Variants in SGCZ observed in about 807,000 individuals in gnomAD.
The protein encoded by SGCZ is sarcoglycan zeta.
Under a neutral mutation model 41.3 loss-of-function variants are expected in SGCZ, and 40 were observed. That is an observed-to-expected ratio of 0.97 (90% CI 0.75 to 1.26). The LOEUF is 1.26. SGCZ is among the 50% of genes most tolerant of loss of function. The probability of loss-of-function intolerance (pLI) is 0.00; values close to 1 mark genes in which losing one functional copy is unlikely to be tolerated. For missense variants in SGCZ, 552 were observed against 369.8 expected (o/e 1.49, Z -4.04); for synonymous variants, 206 against 137.5 (o/e 1.50, Z -3.49).
At chr8:14,268,361 A>ATT (rs1370203782) in intron 3 of SGCZ, among the ~76,000 whole-genome samples, 1 of 150,762 alleles carries the variant, frequency 6.6e-6, no homozygotes, top group Non-Finnish European at 1.5e-5. Flanking sequence ...ATATGTGTAT[A>ATT]TATATATATT....
intron 1 of SGCZ, among the ~76,000 whole-genome samples, chr8:14,851,701 A>G (rs1417605787): frequency 6.6e-6 from 1 of 152,154 alleles, no homozygotes; most frequent in Non-Finnish European, 1.5e-5. Flanking sequence ...TTTATAGAAC[A>G]TGATTTTCCA....
intron 1 of SGCZ, among the ~76,000 whole-genome samples, chr8:15,208,278 T>C (rs1275419706): frequency 6.6e-6 from 1 of 152,152 alleles, no homozygotes; most frequent in African/African-American, 2.4e-5. Flanking sequence ...ATTCCCAATA[T>C]AGGTATGGCA....
chr8:14,479,873 G>A (rs943662780), intron 2 of SGCZ, among the ~76,000 whole-genome samples: 2 of 151,492 alleles, frequency 1.3e-5, no homozygotes, highest in African/African-American at 4.9e-5. Context: ...AGGCTCCCAA[G>A]TAGCTGGGAT....
At chr8:14,217,622 A>C (rs1293881202) in intron 4 of SGCZ, among the ~76,000 whole-genome samples, 1 of 149,322 alleles carries the variant, frequency 6.7e-6, no homozygotes, top group Non-Finnish European at 1.5e-5. Context: ...TTTAAATTCA[A>C]CTAAAGTTTT....
intron 1 of SGCZ, among the ~76,000 whole-genome samples, chr8:15,059,664 C>T (rs1170824574): frequency 6.6e-6 from 1 of 152,172 alleles, no homozygotes; most frequent in African/African-American, 2.4e-5. Context: ...TGATACTTAA[C>T]TTATATATTT....
At chr8:14,335,075 C>G (rs1010865180) in intron 2 of SGCZ, among the ~76,000 whole-genome samples, 10 of 152,098 alleles carry the variant, frequency 6.6e-5, no homozygotes, top group African/African-American at 2.4e-4. Context: ...CAAGTTGACT[C>G]TCCTTGGGAT....
chr8:14,630,555 A>C (rs1222440766), intron 1 of SGCZ, among the ~76,000 whole-genome samples: 1 of 152,104 alleles, frequency 6.6e-6, no homozygotes, highest in East Asian at 1.9e-4. Flanking sequence ...TCATGCTGCT[A>C]TAAAGACACA....
rs147890408 is a variant in SGCZ, at chr8:14,484,271, T to C, written c.234+70461A>G. On this transcript the variant is annotated intron_variant, in intron 2 of 7. Transcript: ENST00000382080. ...TCATAGTTTGCTATTAGTATGGCTC[T>C]GTATAATAAACTTTCATGAATATAT... 3.5e-3 allele frequency among the ~76,000 whole-genome samples: 531 copies of C among 152,286 alleles called. 9 individuals carry two copies. Among genetic ancestry groups the C allele is most frequent in the Admixed American group, 0.027 (416 of 15,280 alleles).
intron 1 of SGCZ, among the ~76,000 whole-genome samples, chr8:14,926,644 G>GTT (rs200341502): frequency 8.0e-5 from 12 of 150,684 alleles, no homozygotes; most frequent in African/African-American, 2.7e-4. Context: ...CGTGTGTGTG[G>GTT]TTTTTTTTTG....
chr8:15,179,608 A>C (rs1477061017), intron 1 of SGCZ, among the ~76,000 whole-genome samples: 1 of 152,232 alleles, frequency 6.6e-6, no homozygotes, highest in African/African-American at 2.4e-5. Flanking sequence ...AAATGGCACA[A>C]AGCATGGTAC....
At chr8:14,675,605 C>T (rs1356667294) in intron 1 of SGCZ, among the ~76,000 whole-genome samples, 1 of 152,130 alleles carries the variant, frequency 6.6e-6, no homozygotes, top group Non-Finnish European at 1.5e-5. Flanking sequence ...TGAGCTCCTA[C>T]TGTTTGGCAG....
chr8:14,711,319 G>C lies in SGCZ; in HGVS notation c.40-156393C>G, dbSNP rs1809506873. ...AATGTACATATGTTGGCCAGGCGCT[G>C]TGTCTCACACCTGTAATCCCTGCAC... On this transcript the variant is annotated intron_variant, in intron 1 of 7. Coordinates refer to ENST00000382080, the MANE Select transcript of SGCZ (RefSeq NM_139167.4). Among the ~76,000 whole-genome samples, 3 of 151,720 alleles carry C rather than the reference G, an allele frequency of 2.0e-5. 1 individual carries two copies. The highest frequency in any genetic ancestry group is 6.6e-5 in the Admixed American group (1 of 15,230).
intron 1 of SGCZ, among the ~76,000 whole-genome samples, chr8:14,951,047 A>C (rs1800620383): frequency 2.0e-5 from 3 of 152,032 alleles, no homozygotes; most frequent in Admixed American, 2.0e-4. Context: ...GTGTGGAGAA[A>C]ATAACATGAA....
chr8:14,806,175 A>G (rs1422589284), intron 1 of SGCZ, among the ~76,000 whole-genome samples: 1 of 152,272 alleles, frequency 6.6e-6, no homozygotes, highest in East Asian at 1.9e-4. Flanking sequence ...AAGGAACTAG[A>G]AAAGCAAGAG....
intron 2 of SGCZ, among the ~76,000 whole-genome samples, chr8:14,441,288 T>C (rs534991467): frequency 2.0e-5 from 3 of 152,298 alleles, no homozygotes; most frequent in African/African-American, 7.2e-5. Context: ...TTTAAAACAA[T>C]CATTTTGGCC....
At chr8:15,130,847 T>C (rs999229037) in intron 1 of SGCZ, among the ~76,000 whole-genome samples, 3 of 152,192 alleles carry the variant, frequency 2.0e-5, no homozygotes, top group Admixed American at 6.5e-5. Flanking sequence ...ACAAAATCAC[T>C]ACAAAATCTA....
intron 1 of SGCZ, among the ~76,000 whole-genome samples, chr8:14,625,476 G>A (rs1027273786): frequency 1.3e-5 from 2 of 152,146 alleles, no homozygotes; most frequent in Non-Finnish European, 2.9e-5. Context: ...ACTCTCCTAT[G>A]AGCATTACAT....
chr8:14,112,942 C>A (rs942287925), intron 5 of SGCZ, among the ~76,000 whole-genome samples: 1 of 152,014 alleles, frequency 6.6e-6, no homozygotes, highest in Admixed American at 6.6e-5. Flanking sequence ...TATTAATTGG[C>A]ATTTATTGTA....
At chr8:14,413,213 G>A (rs1799407617) in intron 2 of SGCZ, among the ~76,000 whole-genome samples, 3 of 151,932 alleles carry the variant, frequency 2.0e-5, no homozygotes, top group South Asian at 4.1e-4. Context: ...ATACTTTCAT[G>A]ATATTACTTC....
Sources: allele counts gnomAD v4.1 joint callset (sites outside exome capture counted in the v4.1 genomes callset), GRCh38; gene constraint gnomAD v4.1.1; transcripts MANE v1.5; gene names NCBI Gene and HGNC (gene_info 2026-07-23, HGNC 2026-07-21).